MCTP2: variants seen among roughly 807,000 people sequenced by gnomAD.
MCTP2 encodes multiple C2 and transmembrane domain-containing protein 2.
In MCTP2, 132 loss-of-function variants were observed where a neutral mutation model predicts 111.6. The observed-to-expected ratio is 1.18, with a 90% CI of 1.03 to 1.37. The LOEUF is 1.37. Ranked by LOEUF, MCTP2 falls within the 40% of genes most tolerant of loss-of-function variation. The pLI is 0.00. For synonymous variants in MCTP2, 395 were observed against 387.7 expected (o/e 1.02, Z -0.22); for missense variants, 1,183 against 1,067.9 (o/e 1.11, Z -1.50).
At chr15:94,368,609 T>C (rs2079322695) in intron 11 of MCTP2, among the ~76,000 whole-genome samples, 3 of 152,024 alleles carry the variant, frequency 2.0e-5, no homozygotes, top group South Asian at 4.1e-4. Flanking sequence ...AATAATTCTG[T>C]ATCTTCGGGA....
At chr15:94,333,273 A>G (rs1596383228) in intron 4 of MCTP2, among the ~76,000 whole-genome samples, 4 of 152,358 alleles carry the variant, frequency 2.6e-5, no homozygotes, top group Admixed American at 2.6e-4. Flanking sequence ...TGTCTTATTA[A>G]TTGAAGAAAG....
At chr15:94,421,881 C>T (rs1224020096) in intron 17 of MCTP2, among the ~76,000 whole-genome samples, 1 of 152,180 alleles carries the variant, frequency 6.6e-6, no homozygotes, top group East Asian at 1.9e-4. Flanking sequence ...TTCCATTATT[C>T]TGCCTACCAC....
chr15:94,419,362 A>AT (rs1366384553), intron 17 of MCTP2, among the ~76,000 whole-genome samples: 2 of 152,184 alleles, frequency 1.3e-5, no homozygotes, highest in African/African-American at 4.8e-5. Flanking sequence ...TGGTTAAAGA[A>AT]TTTTGATTTG....
At chr15:94,408,904 C>G (rs1347003331) in intron 17 of MCTP2, among the ~76,000 whole-genome samples, 8 of 151,972 alleles carry the variant, frequency 5.3e-5, no homozygotes, top group Non-Finnish European at 4.4e-5. Flanking sequence ...GGTCCAGGCT[C>G]TGCGTGGGAC....
chr15:94,409,355 T>C (rs1420908998), intron 17 of MCTP2, among the ~76,000 whole-genome samples: 1 of 152,098 alleles, frequency 6.6e-6, no homozygotes. Flanking sequence ...TTGTGGGACC[T>C]TGTGATTGTG....
intron 10 of MCTP2, among the ~76,000 whole-genome samples, chr15:94,362,241 A>G (rs1596474501): frequency 6.6e-6 from 1 of 152,222 alleles, no homozygotes; most frequent in African/African-American, 2.4e-5. Flanking sequence ...CAACTTTTAA[A>G]CATAATGTCA....
At chr15:94,438,285 T>C (rs1440336427) in intron 17 of MCTP2, among the ~76,000 whole-genome samples, 1 of 152,114 alleles carries the variant, frequency 6.6e-6, no homozygotes, top group African/African-American at 2.4e-5. Flanking sequence ...TTAAAATATT[T>C]GCAGAATGAT....
At chr15:94,247,966 A>G (rs992227326) in intron 1 of MCTP2, among the ~76,000 whole-genome samples, 1 of 152,154 alleles carries the variant, frequency 6.6e-6, no homozygotes, top group African/African-American at 2.4e-5. Flanking sequence ...CCCTCAGGGC[A>G]CTTACAGTAT....
chr15:94,447,373 TTGTG>T (rs148584250), intron 19 of MCTP2, among the ~76,000 whole-genome samples: 3 of 151,214 alleles, frequency 2.0e-5, no homozygotes, highest in African/African-American at 7.3e-5. Flanking sequence ...TATAATTCAT[TTGTG>T]TGTGTGTGTG....
At chr15:94,364,554 A>G (rs2079091611) in intron 10 of MCTP2, among the ~76,000 whole-genome samples, 1 of 152,212 alleles carries the variant, frequency 6.6e-6, no homozygotes, top group African/African-American at 2.4e-5. Flanking sequence ...TGATTAATGT[A>G]TTATAGAATG....
intron 8 of MCTP2, 42 bp downstream of exon 8, chr15:94,345,206 C>CT (rs1596418518): frequency 6.3e-7 from 1 of 1,579,532 alleles, no homozygotes. Context: ...TGGTTAAAAA[C>CT]TTTGTCTTTG....
chr15:94,313,715 C>A (rs1304802558), intron 2 of MCTP2, among the ~76,000 whole-genome samples: 3 of 151,630 alleles, frequency 2.0e-5, no homozygotes, highest in African/African-American at 7.3e-5. Flanking sequence ...AAAAAACAAA[C>A]AAACAAATAC....
intron 12 of MCTP2, among the ~76,000 whole-genome samples, chr15:94,383,372 C>G (rs1250459472): frequency 6.6e-6 from 1 of 152,218 alleles, no homozygotes; most frequent in African/African-American, 2.4e-5. Flanking sequence ...AATGGGCTCT[C>G]ATGCCAAATG....
chr15:94,337,717 GTTTAAAA>G (rs2077436728), intron 4 of MCTP2, among the ~76,000 whole-genome samples: 1 of 146,272 alleles, frequency 6.8e-6, no homozygotes, highest in Admixed American at 6.8e-5. Flanking sequence ...GCATGCCCAA[GTTTAAAA>G]TAAAGACTGA....
rs769082024 is a variant in MCTP2, at chr15:94,367,610, A to C, written c.1307A>C (p.Lys436Thr). The C allele has an allele frequency of 6.2e-7, 1 of 1,609,988 alleles. No homozygotes were observed. Among genetic ancestry groups the C allele is most frequent in the Non-Finnish European group, 8.5e-7 (1 of 1,178,246 alleles). The change falls in exon 11 of 23, where the codon AAA becomes ACA. Residue 436 changes from lysine (K) to threonine (T), a missense_variant. Lys to Thr is a moderately conservative substitution (Grantham distance 78, BLOSUM62 -1). Coordinates refer to ENST00000357742, the MANE Select transcript of MCTP2 (RefSeq NM_001385001.1). ...KKHEERLGTC[K>T]VDISALPLKQ... ...GATTCCTGAAACTTTTCTAGGTGTA[A>C]AGTGGATATCTCGGCACTCCCTCTG...
chr15:94,478,645 C>T (rs1384013068), intron 22 of MCTP2, among the ~76,000 whole-genome samples: 1 of 152,162 alleles, frequency 6.6e-6, no homozygotes, highest in East Asian at 1.9e-4. Flanking sequence ...TAAACATTCC[C>T]AAGAGGCAGT....
intron 1 of MCTP2, among the ~76,000 whole-genome samples, chr15:94,244,256 GTA>G (rs1382238105): frequency 1.6e-5 from 2 of 126,270 alleles, no homozygotes; most frequent in African/African-American, 6.4e-5. Context: ...ACACATATGT[GTA>G]TATATTTATA....
chr15:94,234,046 A>G lies in MCTP2; in HGVS notation c.-66+2382A>G, dbSNP rs570726138. Among the ~76,000 whole-genome samples the G allele has an allele frequency of 5.3e-5, 8 of 151,944 alleles. No homozygotes were observed. In the South Asian group the frequency reaches 1.7e-3, roughly 32 times the overall value. ...TGGCACAGATTTTTTTTTTCCCTCT[A>G]TCTTCACGTGGAGGTGAAACAGCCA... On this transcript the variant is annotated intron_variant, in intron 1 of 22. Transcript: ENST00000357742.
chr15:94,357,803 A>G (rs1192662536), intron 9 of MCTP2, among the ~76,000 whole-genome samples: 1 of 152,154 alleles, frequency 6.6e-6, no homozygotes, highest in Non-Finnish European at 1.5e-5. Context: ...TCTCTATATA[A>G]AGGAAACAAA....
Sources: gnomAD v4.1 joint callset for allele counts (sites outside exome capture counted in the v4.1 genomes callset) on GRCh38, gnomAD v4.1.1 for gene constraint, MANE v1.5 for transcripts, NCBI Gene and HGNC (gene_info 2026-07-23, HGNC 2026-07-21) for gene names.